DGKI: variants seen among roughly 807,000 people sequenced by gnomAD.
DGKI encodes diacylglycerol kinase iota, also known as DAG kinase iota.
Under a neutral mutation model 147.5 loss-of-function variants are expected in DGKI, and 55 were observed. The ratio of observed to expected loss-of-function variants is 0.37; its 90% CI spans 0.30 to 0.47. DGKI has a LOEUF of 0.47. Among genes scored for constraint, DGKI ranks in the 20% least tolerant of loss-of-function variants. The pLI, the probability that DGKI is intolerant of heterozygous loss-of-function variation, is 1.00. For missense variants in DGKI, 1,007 were observed against 1,323.8 expected (o/e 0.76, Z 3.71); for synonymous variants, 469 against 477.1 (o/e 0.98, Z 0.22).
intron 1 of DGKI, among the ~76,000 whole-genome samples, chr7:137,782,194 G>A (rs1430645342): frequency 6.6e-6 from 1 of 152,164 alleles, no homozygotes; most frequent in Admixed American, 6.5e-5. Context: ...CATGGTCTGG[G>A]ACAAGTTCTC....
In DGKI at chr7:137,438,238, A is replaced by G. The variant is rs59640048; in HGVS notation, c.2761+5839T>C. ...TTCATAAATCATTAAGAAGAACACAACCAACCAGGTGGGGAAAAGTGAGTA... is the reference window on the plus strand; with the variant it reads ...TTCATAAATCATTAAGAAGAACACAGCCAACCAGGTGGGGAAAAGTGAGTA... On this transcript the variant is annotated intron_variant, in intron 28 of 32. Transcript: ENST00000614521. Among the ~76,000 whole-genome samples, 1,435 of 152,234 alleles carry G rather than the reference A, an allele frequency of 9.4e-3. 14 individuals carry two copies. Among genetic ancestry groups the G allele is most frequent in the African/African-American group, 0.033 (1,372 of 41,556 alleles).
intron 25 of DGKI, 77 bp downstream of exon 25, chr7:137,466,825 T>G: frequency 6.7e-7 from 1 of 1,493,662 alleles, no homozygotes; most frequent in Non-Finnish European, 9.3e-7. Context: ...TTAGAAAAAT[T>G]TATGAGATTA....
chr7:137,760,943 T>C (rs533751095), intron 1 of DGKI, among the ~76,000 whole-genome samples: 2 of 152,328 alleles, frequency 1.3e-5, no homozygotes, highest in South Asian at 4.1e-4. Context: ...CATGCCTCCT[T>C]AGAGATCTTA....
chr7:137,734,305 C>T (rs1486241734), intron 1 of DGKI, among the ~76,000 whole-genome samples: 1 of 152,068 alleles, frequency 6.6e-6, no homozygotes, highest in Non-Finnish European at 1.5e-5. Flanking sequence ...AGAATGACTG[C>T]AAGATCTCTC....
intron 1 of DGKI, among the ~76,000 whole-genome samples, chr7:137,728,388 G>C (rs1033138572): frequency 6.6e-5 from 10 of 152,136 alleles, no homozygotes; most frequent in African/African-American, 2.4e-4. Context: ...AATCCAGAAT[G>C]CTGGTTTAAA....
chr7:137,731,602 G>T (rs1794887514), intron 1 of DGKI, among the ~76,000 whole-genome samples: 1 of 151,894 alleles, frequency 6.6e-6, no homozygotes, highest in South Asian at 2.1e-4. Flanking sequence ...TTCAAATCAG[G>T]CCCATATGTG....
At chr7:137,754,650 T>C (rs1432638394) in intron 1 of DGKI, among the ~76,000 whole-genome samples, 2 of 152,198 alleles carry the variant, frequency 1.3e-5, no homozygotes, top group Admixed American at 1.3e-4. Context: ...GCATGTCAAG[T>C]TGATGCTAAG....
At chr7:137,825,668 ACACT>A (rs1411294159) in intron 1 of DGKI, among the ~76,000 whole-genome samples, 3 of 151,534 alleles carry the variant, frequency 2.0e-5, no homozygotes, top group Non-Finnish European at 2.9e-5. Flanking sequence ...ACACATACAC[ACACT>A]CACACACACA....
At chr7:137,748,192 C>G (rs1017732089) in intron 1 of DGKI, among the ~76,000 whole-genome samples, 1 of 151,996 alleles carries the variant, frequency 6.6e-6, no homozygotes, top group African/African-American at 2.4e-5. Flanking sequence ...AGCTGAGAAA[C>G]TAAGGCAAAG....
chr7:137,760,963 A>G (rs1015672019), intron 1 of DGKI, among the ~76,000 whole-genome samples: 2 of 152,010 alleles, frequency 1.3e-5, no homozygotes, highest in African/African-American at 4.8e-5. Context: ...AATTCAACCA[A>G]AATTTCCTCT....
At chr7:137,700,000 TA>T (rs1211059047) in intron 1 of DGKI, among the ~76,000 whole-genome samples, 1 of 152,210 alleles carries the variant, frequency 6.6e-6, no homozygotes, top group Non-Finnish European at 1.5e-5. Context: ...TAGTTAAAAT[TA>T]TTTTCCTAAG....
chr7:137,720,818 ATAT>A (rs1262122178), intron 1 of DGKI, among the ~76,000 whole-genome samples: 10 of 152,270 alleles, frequency 6.6e-5, no homozygotes, highest in African/African-American at 1.2e-4. Context: ...TATTTTTAAC[ATAT>A]TATTATTTTA....
intron 11 of DGKI, among the ~76,000 whole-genome samples, chr7:137,598,245 C>A (rs1158771797): frequency 2.6e-5 from 4 of 152,286 alleles, no homozygotes; most frequent in South Asian, 4.1e-4. Context: ...CTTTTCCCAT[C>A]ATTTCCTCTT....
chr7:137,631,964 T>C (rs1821137090), intron 6 of DGKI, among the ~76,000 whole-genome samples: 2 of 152,162 alleles, frequency 1.3e-5, no homozygotes, highest in Admixed American at 6.5e-5. Flanking sequence ...AGTTCAGAGG[T>C]GGCTCTCCCT....
intron 18 of DGKI, among the ~76,000 whole-genome samples, 154 bp downstream of exon 18, chr7:137,572,611 A>G (rs1429681432): frequency 6.6e-6 from 1 of 152,198 alleles, no homozygotes; most frequent in Non-Finnish European, 1.5e-5. Flanking sequence ...AATAAACCAA[A>G]TCGGAGAATG....
At chr7:137,797,327 C>T (rs1351033472) in intron 1 of DGKI, among the ~76,000 whole-genome samples, 1 of 152,172 alleles carries the variant, frequency 6.6e-6, no homozygotes, top group Non-Finnish European at 1.5e-5. Flanking sequence ...AATGAAGGAA[C>T]ACTTTACAGT....
intron 1 of DGKI, among the ~76,000 whole-genome samples, chr7:137,827,698 C>T (rs936244414): frequency 3.3e-5 from 5 of 152,180 alleles, no homozygotes; most frequent in East Asian, 1.9e-4. Flanking sequence ...CTAAGAAGCA[C>T]GGAATAGATA....
intron 1 of DGKI, chr7:137,843,371 T>C: frequency 1.0e-6 from 1 of 979,226 alleles, no homozygotes. Flanking sequence ...GAAGTAGTAA[T>C]TTTAAAAGAA....
intron 19 of DGKI, 152 bp from the exon 20 acceptor site, chr7:137,552,720 C>T: frequency 1.4e-6 from 1 of 705,752 alleles, no homozygotes; most frequent in South Asian, 1.8e-5. Flanking sequence ...AGCAGCCTGG[C>T]CAACATGGCG....
Sources: gnomAD v4.1 joint callset for allele counts (sites outside exome capture counted in the v4.1 genomes callset) on GRCh38, gnomAD v4.1.1 for gene constraint, MANE v1.5 for transcripts, NCBI Gene and HGNC (gene_info 2026-07-23, HGNC 2026-07-21) for gene names.